RGS7: variants seen among roughly 807,000 people sequenced by gnomAD.
RGS7 encodes the protein regulator of G protein signaling 7, also known as regulator of G-protein signaling 7.
A neutral mutation model predicts 81.1 loss-of-function variants in RGS7; 27 were observed. The observed-to-expected ratio is 0.33, with a 90% CI of 0.25 to 0.46. The LOEUF is 0.46. Among genes scored for constraint, RGS7 ranks in the 20% least tolerant of loss-of-function variants. The probability of loss-of-function intolerance (pLI) is 1.00; values close to 1 mark genes in which losing one functional copy is unlikely to be tolerated. For synonymous variants in RGS7, 208 were observed against 207.7 expected (o/e 1.00, Z -0.01); for missense variants, 396 against 607.4 (o/e 0.65, Z 3.66).
Position 240,936,795 on chromosome 1 carries a change from G to C in RGS7, c.227-89C>G, listed in dbSNP as rs1327796471. On this transcript the variant is annotated intron_variant, in intron 4 of 18. Coordinates refer to ENST00000440928, the MANE Select transcript of RGS7 (RefSeq NM_001364886.1). Reference sequence around the variant, plus strand: ...GTAACGTTTTTGTGTGGTTCCTTTTGTCAGATACAGTAAGTTCCTCTTGAA... The same window carrying C: ...GTAACGTTTTTGTGTGGTTCCTTTTCTCAGATACAGTAAGTTCCTCTTGAA... The C allele has an allele frequency of 1.4e-5, 13 of 923,950 alleles. No homozygotes were observed. The East Asian group carries it at 3.2e-4, about 22-fold the overall frequency. The allele number at this position is 923,950 out of a possible 1,614,324, so 57.2% of individuals were successfully genotyped here. A position where few individuals can be genotyped will look rare whatever the true frequency, so the allele number is the denominator to read the frequency against.
intron 2 of RGS7, among the ~76,000 whole-genome samples, chr1:241,134,672 G>T (rs2067362272): frequency 6.6e-6 from 1 of 152,192 alleles, no homozygotes; most frequent in Non-Finnish European, 1.5e-5. Context: ...TCCCAGAGAG[G>T]GGAGGGGCTT....
intron 14 of RGS7, among the ~76,000 whole-genome samples, chr1:240,809,183 CA>C (rs1027443421): frequency 6.6e-6 from 1 of 151,404 alleles, no homozygotes; most frequent in Non-Finnish European, 1.5e-5. Context: ...GTGTTTTGCT[CA>C]AAAAAAAGAA....
intron 2 of RGS7, among the ~76,000 whole-genome samples, chr1:241,137,498 GC>G (rs2067605949): frequency 1.3e-5 from 2 of 152,208 alleles, no homozygotes; most frequent in South Asian, 4.1e-4. Flanking sequence ...ATGACTTTGA[GC>G]CCCCAAATTT....
chr1:241,336,743 G>A lies in RGS7; in HGVS notation c.78+18956C>T, dbSNP rs572710852. Among the ~76,000 whole-genome samples the A allele has an allele frequency of 4.5e-4, 68 of 152,274 alleles. 1 individual carries two copies. Among genetic ancestry groups the A allele is most frequent in the African/African-American group, 1.6e-3 (67 of 41,562 alleles). On this transcript the variant is annotated intron_variant, in intron 2 of 18. Transcript: ENST00000440928. ...TGAAGAAGTGGAAGTTTTGTGGAGGGAAAATAAAACGCCTTATTGCTTGCA... is the reference window on the plus strand; with the variant it reads ...TGAAGAAGTGGAAGTTTTGTGGAGGAAAAATAAAACGCCTTATTGCTTGCA...
chr1:240,975,496 C>T (rs1683936864), intron 4 of RGS7, among the ~76,000 whole-genome samples: 1 of 152,104 alleles, frequency 6.6e-6, no homozygotes, highest in African/African-American at 2.4e-5. Context: ...AAATCTTAGC[C>T]TACTCATTAG....
chr1:241,270,431 T>G (rs753351539), intron 2 of RGS7, among the ~76,000 whole-genome samples: 3 of 152,238 alleles, frequency 2.0e-5, no homozygotes, highest in Non-Finnish European at 2.9e-5. Context: ...ATTTTGTTCC[T>G]TGCATTGCAA....
intron 2 of RGS7, among the ~76,000 whole-genome samples, chr1:241,340,621 T>TATCATCACC (rs1299348425): frequency 6.6e-6 from 1 of 152,076 alleles, no homozygotes; most frequent in Non-Finnish European, 1.5e-5. Flanking sequence ...GCTTCATCAC[T>TATCATCACC]ATCATCACCC....
At chr1:240,835,611 T>C (rs545948239) in intron 9 of RGS7, among the ~76,000 whole-genome samples, 2 of 152,356 alleles carry the variant, frequency 1.3e-5, no homozygotes, top group African/African-American at 2.4e-5. Flanking sequence ...CGAAAACTTA[T>C]GTTCACAAAA....
At chr1:240,858,874 G>A (rs994863649) in intron 9 of RGS7, among the ~76,000 whole-genome samples, 1 of 152,016 alleles carries the variant, frequency 6.6e-6, no homozygotes, top group African/African-American at 2.4e-5. Context: ...CTTGTACAAC[G>A]CTGGACATGA....
At chr1:240,961,978 A>C (rs1408582264) in intron 4 of RGS7, among the ~76,000 whole-genome samples, 2 of 152,074 alleles carry the variant, frequency 1.3e-5, no homozygotes, top group Non-Finnish European at 2.9e-5. Flanking sequence ...GAAGAAAAGA[A>C]TCTGCCCTTA....
intron 9 of RGS7, among the ~76,000 whole-genome samples, chr1:240,846,774 A>G (rs1558345241): frequency 6.6e-6 from 1 of 152,152 alleles, no homozygotes; most frequent in Non-Finnish European, 1.5e-5. Flanking sequence ...TGAGGTTTTG[A>G]CATGGGGCTA....
At chr1:241,323,391 A>G (rs902638054) in intron 2 of RGS7, among the ~76,000 whole-genome samples, 5 of 152,228 alleles carry the variant, frequency 3.3e-5, no homozygotes, top group Non-Finnish European at 5.9e-5. Flanking sequence ...GAGGCCTAAG[A>G]GGAGGAGGCT....
intron 6 of RGS7, among the ~76,000 whole-genome samples, chr1:240,886,167 C>A (rs1667305641): frequency 6.6e-6 from 1 of 152,128 alleles, no homozygotes; most frequent in African/African-American, 2.4e-5. Flanking sequence ...GTAATACTTT[C>A]ATGTAAATCT....
intron 2 of RGS7, among the ~76,000 whole-genome samples, chr1:241,314,316 C>T (rs1277857058): frequency 2.6e-5 from 4 of 152,212 alleles, no homozygotes; most frequent in Non-Finnish European, 5.9e-5. Context: ...GCAACTACCA[C>T]CCTCATCAGT....
At chr1:241,254,347 T>C (rs1362167249) in intron 2 of RGS7, among the ~76,000 whole-genome samples, 1 of 152,138 alleles carries the variant, frequency 6.6e-6, no homozygotes, top group African/African-American at 2.4e-5. Context: ...TGAGCTGTGA[T>C]TTAGTCAGAT....
chr1:240,778,557 G>T (rs1683384769), intron 18 of RGS7, among the ~76,000 whole-genome samples: 1 of 151,992 alleles, frequency 6.6e-6, no homozygotes, highest in African/African-American at 2.4e-5. Flanking sequence ...TTTTTGAGAC[G>T]GAGTCTCACT....
intron 2 of RGS7, among the ~76,000 whole-genome samples, chr1:241,335,262 A>C (rs187715275): frequency 1.9e-4 from 29 of 152,324 alleles, no homozygotes; most frequent in Admixed American, 1.8e-3. Flanking sequence ...ACATTTCACA[A>C]ATGTAAGAAT....
chr1:241,054,753 C>T (rs919202494), intron 3 of RGS7, among the ~76,000 whole-genome samples: 6 of 152,152 alleles, frequency 3.9e-5, no homozygotes, highest in African/African-American at 1.4e-4. Flanking sequence ...TCTTTCTTGC[C>T]CATATCTGAT....
intron 3 of RGS7, among the ~76,000 whole-genome samples, chr1:241,062,969 G>A (rs2061826984): frequency 6.6e-6 from 1 of 152,170 alleles, no homozygotes; most frequent in Non-Finnish European, 1.5e-5. Context: ...ATACAAAGGA[G>A]AGTTGGAAAC....
Sources: allele counts gnomAD v4.1 joint callset (sites outside exome capture counted in the v4.1 genomes callset), GRCh38; gene constraint gnomAD v4.1.1; transcripts MANE v1.5; gene names NCBI Gene and HGNC (gene_info 2026-07-23, HGNC 2026-07-21).